The following PLD5 variants were observed in gnomAD, a reference collection of about 807,000 sequenced individuals.
PLD5 encodes inactive phospholipase D5.
PLD5 carries 36 observed loss-of-function variants against 61.1 expected under a neutral mutation model. The ratio of observed to expected loss-of-function variants is 0.59; its 90% CI spans 0.45 to 0.78. PLD5 has a LOEUF of 0.78. Ranked by LOEUF, PLD5 falls within the 30% of genes least tolerant of loss-of-function variation. The probability of loss-of-function intolerance (pLI) is 0.00; values close to 1 mark genes in which losing one functional copy is unlikely to be tolerated. For synonymous variants in PLD5, 243 were observed against 242.8 expected (o/e 1.00, Z -0.01); for missense variants, 515 against 644.4 (o/e 0.80, Z 2.17).
chr1:242,497,961 T>TTTTA (rs35584019), intron 1 of PLD5, among the ~76,000 whole-genome samples: 125,477 of 151,476 alleles, frequency 0.83, 52,136 homozygotes, highest in African/African-American at 0.89. Flanking sequence ...CTTCAATTTA[T>TTTTA]TTTATTTATT....
intron 2 of PLD5, among the ~76,000 whole-genome samples, chr1:242,339,257 C>A (rs1242712666): frequency 6.6e-6 from 1 of 152,066 alleles, no homozygotes; most frequent in Non-Finnish European, 1.5e-5. Flanking sequence ...GCATGGGGCA[C>A]AGAGAGAGAC....
intron 1 of PLD5, among the ~76,000 whole-genome samples, chr1:242,401,990 T>C (rs557081420): frequency 3.3e-5 from 5 of 152,344 alleles, no homozygotes; most frequent in African/African-American, 1.2e-4. Flanking sequence ...AAGGAACATA[T>C]TTGCTTTCCA....
intron 3 of PLD5, among the ~76,000 whole-genome samples, chr1:242,268,790 C>T (rs1334761093): frequency 6.6e-6 from 1 of 152,150 alleles, no homozygotes; most frequent in Non-Finnish European, 1.5e-5. Context: ...CTACTCTGTG[C>T]AGAGATCTGC....
chr1:242,371,453 A>G (rs1276832803), intron 1 of PLD5, among the ~76,000 whole-genome samples: 1 of 152,084 alleles, frequency 6.6e-6, no homozygotes, highest in Non-Finnish European at 1.5e-5. Flanking sequence ...TGATGAACAG[A>G]AGCGTACTGA....
rs928361558 is a variant in PLD5 at position 242,524,146 on chromosome 1, A to G, written c.131T>C (p.Val44Ala). The part of the protein sequence containing the change: ...TRVGANFYSS[V>A]KQQDYSASVW... ...GCTGGCGCTGTAGTCCTGCTGCTTG[A>G]CGCTGCTGTAGAAGTTCGCGCCCAC... The change falls in exon 1 of 10, where the codon GTC becomes GCC. Residue 44 changes from valine (V) to alanine (A), a missense_variant. Physicochemically the swap from Val to Ala is moderately conservative, Grantham distance 64. Around this residue, in one of 2 missense-constraint regions of PLD5, gnomAD observed 450 missense variants for 598.1 expected, o/e 0.75. Coordinates refer to ENST00000536534, the MANE Select transcript of PLD5 (RefSeq NM_001372062.1). 5.2e-6 allele frequency: 8 copies of G among 1,535,400 alleles called. No individual in the cohort carries two copies. Among genetic ancestry groups the G allele is most frequent in the Non-Finnish European group, 7.0e-6 (8 of 1,146,550 alleles).
Position 242,524,320 on chromosome 1 carries a change from C to G in PLD5, c.-44G>C. On this transcript the variant is annotated 5_prime_UTR_variant, in exon 1 of 10. Transcript: ENST00000536534. ...CCGCCGGCGAGCAGCGGACTCGGGA[C>G]GGGCGCGCGGGGAGCCGGGCGCGGA... 2 of 1,358,494 alleles carry G rather than the reference C, an allele frequency of 1.5e-6. No individual in the cohort carries two copies. The highest frequency in any genetic ancestry group is 3.9e-5 in the Admixed American group (1 of 25,964). 84.2% of individuals were successfully genotyped at this position (1,358,494 alleles called of 1,614,324 possible). A position where few individuals can be genotyped will look rare whatever the true frequency, so the allele number is the denominator to read the frequency against.
chr1:242,386,409 A>C (rs1662604106), intron 1 of PLD5, among the ~76,000 whole-genome samples: 1 of 152,160 alleles, frequency 6.6e-6, no homozygotes, highest in African/African-American at 2.4e-5. Flanking sequence ...CAGTGGGACA[A>C]CCTGACGTCA....
intron 2 of PLD5, among the ~76,000 whole-genome samples, chr1:242,300,435 AGAG>A (rs1258098858): frequency 2.9e-5 from 4 of 138,600 alleles, no homozygotes; most frequent in East Asian, 4.2e-4. Flanking sequence ...GGGTGGCGGG[AGAG>A]GAGGAGGAGG....
At chr1:242,288,612 C>T (rs1400947616) in intron 2 of PLD5, 82 bp from the exon 3 acceptor site, 1 of 1,466,040 alleles carries the variant, frequency 6.8e-7, no homozygotes, top group Non-Finnish European at 9.0e-7. Context: ...ATACAGCAGA[C>T]ATCTAAAAAA....
intron 5 of PLD5, among the ~76,000 whole-genome samples, chr1:242,214,871 CTTTTTTTTTT>C (rs71570942): frequency 1.1e-5 from 1 of 92,458 alleles, no homozygotes; most frequent in Non-Finnish European, 1.9e-5. Flanking sequence ...CATTAAACAC[CTTTTTTTTTT>C]TTTTTTTTTT....
intron 1 of PLD5, among the ~76,000 whole-genome samples, chr1:242,477,545 G>A (rs1667636978): frequency 1.3e-5 from 2 of 152,204 alleles, no homozygotes; most frequent in Admixed American, 1.3e-4. Context: ...TATACCCGCA[G>A]TTGAGGCGCA....
At chr1:242,332,942 C>CA (rs1395534411) in intron 2 of PLD5, among the ~76,000 whole-genome samples, 1 of 152,170 alleles carries the variant, frequency 6.6e-6, no homozygotes, top group Admixed American at 6.5e-5. Context: ...TCACAGGGAA[C>CA]AAGGTGAACG....
intron 3 of PLD5, among the ~76,000 whole-genome samples, chr1:242,274,519 C>G (rs1374713063): frequency 2.0e-5 from 3 of 152,218 alleles, no homozygotes; most frequent in African/African-American, 7.2e-5. Context: ...TTTTGGGAGG[C>G]CGAGGCGGGT....
chr1:242,335,117 T>A (rs984192845), intron 2 of PLD5, among the ~76,000 whole-genome samples: 8 of 151,940 alleles, frequency 5.3e-5, no homozygotes, highest in African/African-American at 1.9e-4. Flanking sequence ...TTTCTCCTGT[T>A]ATCCTATTTT....
chr1:242,146,635 T>C (rs1013795485), intron 5 of PLD5, among the ~76,000 whole-genome samples: 2 of 152,124 alleles, frequency 1.3e-5, no homozygotes, highest in African/African-American at 4.8e-5. Flanking sequence ...TTTTCTAGAG[T>C]TATTTTTATG....
chr1:242,172,686 T>C lies in PLD5; in HGVS notation c.735+47302A>G, dbSNP rs944959458. On this transcript the variant is annotated intron_variant, in intron 5 of 9. Coordinates refer to ENST00000536534, the MANE Select transcript of PLD5 (RefSeq NM_001372062.1). ...AATCAAATAGACACAAGAAAAATGA[T>C]AAAGGGGATATTACCACAGATCCCA... is the stretch of plus-strand genomic sequence containing the variant. Among the ~76,000 whole-genome samples the C allele has an allele frequency of 2.6e-5, 4 of 151,884 alleles. No homozygotes were observed. The South Asian group carries it at 8.3e-4, about 32-fold the overall frequency.
At position 242,227,223 on chromosome 1, in the gene PLD5, T is replaced by G. The variant is rs570522357; in HGVS notation, c.608-7108A>C. The stretch of plus-strand genomic sequence containing the variant: ...CAGAGTCCCTCACCATTTTGATTTT[T>G]ATTTTTTTTTAAGAGATGGTCTCCC... On this transcript the variant is annotated intron_variant, in intron 4 of 9. Transcript: ENST00000536534. Among the ~76,000 whole-genome samples the G allele has an allele frequency of 3.2e-4, 48 of 152,284 alleles. No individual in the cohort carries two copies. In the South Asian group the frequency reaches 7.5e-3, roughly 24 times the overall value.
At chr1:242,419,428 C>T (rs1478668538) in intron 1 of PLD5, among the ~76,000 whole-genome samples, 1 of 147,650 alleles carries the variant, frequency 6.8e-6, no homozygotes, top group African/African-American at 2.5e-5. Context: ...CAGAGTCTCG[C>T]ACTGTTGCCC....
At chr1:242,232,822 G>A (rs572574310) in intron 4 of PLD5, among the ~76,000 whole-genome samples, 50 of 152,196 alleles carry the variant, frequency 3.3e-4, no homozygotes, top group African/African-American at 1.1e-3. Context: ...CAGCCTGCAT[G>A]ACAGAGTGAG....
Sources: gnomAD v4.1 joint callset for allele counts (sites outside exome capture counted in the v4.1 genomes callset) on GRCh38, gnomAD v4.1.1 for gene constraint, gnomAD v4.1.1 regional missense constraint, MANE v1.5 for transcripts, NCBI Gene and HGNC (gene_info 2026-07-23, HGNC 2026-07-21) for gene names.